NCALD: variants seen among roughly 807,000 people sequenced by gnomAD.
NCALD encodes neurocalcin delta, also known as neurocalcin-delta.
A neutral mutation model predicts 18.6 loss-of-function variants in NCALD; 10 were observed. That is an observed-to-expected ratio of 0.54 (90% confidence interval 0.33 to 0.91). The LOEUF (loss-of-function observed/expected upper bound fraction) is 0.91. Ranked by LOEUF, NCALD falls within the 40% of genes least tolerant of loss-of-function variation. The pLI, the probability that NCALD is intolerant of heterozygous loss-of-function variation, is 0.03. For synonymous variants in NCALD, 88 were observed against 87.4 expected (o/e 1.01, Z -0.04); for missense variants, 184 against 247.6 (o/e 0.74, Z 1.72).
intron 4 of NCALD, chr8:101,871,995 G>T: frequency 1.1e-6 from 1 of 885,590 alleles, no homozygotes; most frequent in Non-Finnish European, 1.9e-6. Context: ...GGTTCATGCC[G>T]CCAAACACCA....
At chr8:102,100,318 G>A (rs111300313) in intron 1 of NCALD, among the ~76,000 whole-genome samples, 8 of 152,246 alleles carry the variant, frequency 5.3e-5, no homozygotes, top group African/African-American at 1.7e-4. Flanking sequence ...ATCACAAAAT[G>A]TTATATCCAG....
At chr8:102,090,780 G>A (rs569166036) in intron 1 of NCALD, among the ~76,000 whole-genome samples, 1 of 152,146 alleles carries the variant, frequency 6.6e-6, no homozygotes, top group African/African-American at 2.4e-5. Context: ...TCTTAATTAT[G>A]GCAATACAGT....
chr8:102,123,641 G>A (rs1826010668), intron 1 of NCALD: 1 of 152,450 alleles, frequency 6.6e-6, no homozygotes, highest in Non-Finnish European at 1.5e-5. Context: ...GAGCGCAAGG[G>A]ACACGAATCT....
intron 2 of NCALD, among the ~76,000 whole-genome samples, chr8:101,707,712 C>A (rs1432190542): frequency 6.6e-6 from 1 of 152,032 alleles, no homozygotes; most frequent in Non-Finnish European, 1.5e-5. Flanking sequence ...TCTAAAACAA[C>A]AGATATGTAG....
chr8:101,950,461 C>CTTCCTATGCAGAGACCATCAGAGACCA (rs1819370120), intron 2 of NCALD: 2 of 152,238 alleles, frequency 1.3e-5, no homozygotes, highest in Admixed American at 1.3e-4. Context: ...CCATCAGACC[C>CTTCCTATGCAGAGACCATCAGAGACCA]TCAGAGAGCC....
chr8:101,908,318 T>C (rs1445765139), intron 3 of NCALD, among the ~76,000 whole-genome samples: 1 of 152,194 alleles, frequency 6.6e-6, no homozygotes, highest in Non-Finnish European at 1.5e-5. Context: ...TCCAGTTTTA[T>C]GTGCTTGGGA....
intron 2 of NCALD, among the ~76,000 whole-genome samples, chr8:102,009,194 C>T (rs182839723): frequency 3.9e-5 from 6 of 152,240 alleles, no homozygotes; most frequent in Admixed American, 3.9e-4. Context: ...TTAGACAATC[C>T]CTACCTACCA....
chr8:102,109,045 G>A (rs987048172), intron 1 of NCALD, among the ~76,000 whole-genome samples: 14 of 152,214 alleles, frequency 9.2e-5, no homozygotes, highest in East Asian at 5.8e-4. Context: ...ATGTGAAATC[G>A]TTAGCAGAAG....
chr8:102,075,912 G>A lies in NCALD; in HGVS notation c.-210+48325C>T, dbSNP rs148262346. Among the ~76,000 whole-genome samples the A allele has an allele frequency of 1.3e-3, 199 of 151,268 alleles. 1 individual carries two copies. The highest frequency in any genetic ancestry group is 3.7e-3 in the African/African-American group (151 of 41,264). ...GGTTGCAGTAAGCCGAGATTCCACC[G>A]TGGCACTCCAGCCTGGGTGACAGAG... On this transcript the variant is annotated intron_variant, in intron 1 of 6. Coordinates refer to the NCALD transcript ENST00000311028.
At chr8:101,939,600 T>C (rs1054363724) in intron 2 of NCALD, among the ~76,000 whole-genome samples, 19 of 151,896 alleles carry the variant, frequency 1.3e-4, no homozygotes, top group African/African-American at 4.4e-4. Context: ...AATCCTTTCT[T>C]CTTAGTAAAA....
intron 1 of NCALD, among the ~76,000 whole-genome samples, chr8:102,089,219 C>T (rs1824842554): frequency 6.6e-6 from 1 of 151,998 alleles, no homozygotes; most frequent in East Asian, 1.9e-4. Context: ...ATGGTGAAAC[C>T]CCATCTCTAC....
intron 1 of NCALD, among the ~76,000 whole-genome samples, chr8:102,042,559 C>G (rs1292062770): frequency 6.6e-6 from 1 of 151,920 alleles, no homozygotes; most frequent in Non-Finnish European, 1.5e-5. Context: ...ATGTGTCCCA[C>G]AGACCAGAAG....
At chr8:101,997,032 C>T (rs1311727644) in intron 2 of NCALD, among the ~76,000 whole-genome samples, 1 of 152,182 alleles carries the variant, frequency 6.6e-6, no homozygotes, top group Non-Finnish European at 1.5e-5. Context: ...TAACTATGAG[C>T]AGCTTATGGA....
At chr8:102,017,004 G>A (rs2132086268) in intron 2 of NCALD, among the ~76,000 whole-genome samples, 1 of 152,140 alleles carries the variant, frequency 6.6e-6, no homozygotes, top group Middle Eastern at 3.4e-3. Context: ...TCTTAGATGA[G>A]AGAGAGAAAC....
At chr8:101,824,927 C>A (rs1293480539) in intron 4 of NCALD, among the ~76,000 whole-genome samples, 2 of 152,202 alleles carry the variant, frequency 1.3e-5, no homozygotes, top group African/African-American at 4.8e-5. Context: ...TATCATCCAC[C>A]AAGGTCATTA....
intron 1 of NCALD, among the ~76,000 whole-genome samples, chr8:102,032,346 C>T (rs911791120): frequency 4.0e-5 from 6 of 150,954 alleles, no homozygotes; most frequent in Non-Finnish European, 5.9e-5. Flanking sequence ...ATGATGATAG[C>T]GAAAAAAAAG....
chr8:102,018,669 T>C (rs141973906), intron 2 of NCALD, among the ~76,000 whole-genome samples: 163 of 152,278 alleles, frequency 1.1e-3, no homozygotes, highest in African/African-American at 3.7e-3. Context: ...AAAACAATGA[T>C]TACATACATT....
intron 4 of NCALD, among the ~76,000 whole-genome samples, chr8:101,798,491 A>G (rs548043057): frequency 3.9e-5 from 6 of 152,232 alleles, no homozygotes; most frequent in South Asian, 2.1e-4. Context: ...CAAAATGCCA[A>G]TGAAAGAAAT....
At chr8:102,083,657 C>G (rs2132343646) in intron 1 of NCALD, among the ~76,000 whole-genome samples, 1 of 152,354 alleles carries the variant, frequency 6.6e-6, no homozygotes, top group South Asian at 2.1e-4. Context: ...AGTAGGCACT[C>G]TCAACTCTTT....
Sources: allele counts gnomAD v4.1 joint callset (sites outside exome capture counted in the v4.1 genomes callset), GRCh38; gene constraint gnomAD v4.1.1; transcripts MANE v1.5; gene names NCBI Gene and HGNC (gene_info 2026-07-23, HGNC 2026-07-21).